SAMD8: variants seen among roughly 807,000 people sequenced by gnomAD.
SAMD8 encodes sphingomyelin synthase-related protein 1.
SAMD8 carries 20 observed loss-of-function variants against 42.0 expected under a neutral mutation model. The observed-to-expected ratio is 0.48, with a 90% confidence interval of 0.34 to 0.69. SAMD8 has a LOEUF of 0.69. SAMD8 is among the 30% of genes least tolerant of loss of function. SAMD8 has a pLI of 0.01. For synonymous variants in SAMD8, 162 were observed against 173.0 expected (o/e 0.94, Z 0.50); for missense variants, 328 against 511.6 (o/e 0.64, Z 3.46).
At chr10:75,135,737 A>T (rs1029948992) in intron 1 of SAMD8, among the ~76,000 whole-genome samples, 13 of 151,752 alleles carry the variant, frequency 8.6e-5, no homozygotes, top group Non-Finnish European at 1.6e-4. Flanking sequence ...GAGGCAGGAG[A>T]ATGGTGTGAA....
intron 1 of SAMD8, chr10:75,105,769 A>G: frequency 6.4e-7 from 1 of 1,552,034 alleles, no homozygotes; most frequent in Non-Finnish European, 8.7e-7. Context: ...CACGGTGATC[A>G]CCGCCTGGCG....
chr10:75,167,554 C>T (rs1350190535), intron 3 of SAMD8, among the ~76,000 whole-genome samples: 1 of 152,010 alleles, frequency 6.6e-6, no homozygotes, highest in Non-Finnish European at 1.5e-5. Flanking sequence ...CAAAAAATTC[C>T]CTGGAATCAC....
chr10:75,178,041 C>T lies in SAMD8; in HGVS notation c.*1349C>T, dbSNP rs1316791841. ...TTAAAACAAAAACTTAGAAAAGGTG[C>T]TGGCATTCTGAGGCCTGCAATTAGG... On this transcript the variant is annotated 3_prime_UTR_variant, in exon 6 of 6. Coordinates refer to ENST00000542569, the MANE Select transcript of SAMD8 (RefSeq NM_001174156.2). The T allele has an allele frequency of 6.6e-6, 1 of 152,168 alleles. No individual in the cohort carries two copies. The highest frequency in any genetic ancestry group is 1.5e-5 in the Non-Finnish European group (1 of 68,036). The allele number at this position is 152,168 out of a possible 1,614,324, so 9.4% of individuals were successfully genotyped here.
upstream of SAMD8, among the ~76,000 whole-genome samples, chr10:75,111,315 C>G (rs1251957120): frequency 2.0e-5 from 3 of 152,142 alleles, no homozygotes; most frequent in Non-Finnish European, 4.4e-5. Context: ...GCTCCGCTAG[C>G]CCCGCTTCCT....
chr10:75,127,337 T>C (rs1292672002), intron 1 of SAMD8, among the ~76,000 whole-genome samples: 4 of 152,182 alleles, frequency 2.6e-5, no homozygotes, highest in Non-Finnish European at 5.9e-5. Flanking sequence ...TATATTGTCA[T>C]GGGTAAGAAT....
intron 1 of SAMD8, among the ~76,000 whole-genome samples, chr10:75,148,254 C>G (rs1262974653): frequency 6.6e-6 from 1 of 151,134 alleles, no homozygotes; most frequent in African/African-American, 2.4e-5. Context: ...ATAAATGGTG[C>G]TCATGTAGTT....
chr10:75,173,315 G>A (rs1037124452), intron 4 of SAMD8, among the ~76,000 whole-genome samples: 5 of 152,144 alleles, frequency 3.3e-5, no homozygotes, highest in African/African-American at 1.2e-4. Flanking sequence ...TTAATTGCTT[G>A]AAATTGCATT....
chr10:75,143,191 C>T (rs1196571940), intron 1 of SAMD8, among the ~76,000 whole-genome samples: 1 of 152,190 alleles, frequency 6.6e-6, no homozygotes, highest in Non-Finnish European at 1.5e-5. Context: ...CCCATAATCC[C>T]AGCTACTGGG....
intron 1 of SAMD8, among the ~76,000 whole-genome samples, chr10:75,131,316 C>T (rs1447492108): frequency 6.6e-6 from 1 of 152,184 alleles, no homozygotes; most frequent in Non-Finnish European, 1.5e-5. Flanking sequence ...CCTTTGCACA[C>T]ATCTTATTTC....
upstream of SAMD8, among the ~76,000 whole-genome samples, chr10:75,110,863 T>C (rs1213104495): frequency 6.6e-6 from 1 of 152,166 alleles, no homozygotes; most frequent in Non-Finnish European, 1.5e-5. Flanking sequence ...TCGCCCAGGC[T>C]GGAGTGCCAT....
intron 2 of SAMD8, among the ~76,000 whole-genome samples, chr10:75,163,677 A>C (rs1396682723): frequency 6.6e-6 from 1 of 151,440 alleles, no homozygotes; most frequent in African/African-American, 2.4e-5. Flanking sequence ...TGAACTCCTG[A>C]GTTTAAGTAG....
chr10:75,119,894 C>T (rs12765361), intron 1 of SAMD8, among the ~76,000 whole-genome samples: 4 of 152,210 alleles, frequency 2.6e-5, no homozygotes, highest in African/African-American at 9.6e-5. Flanking sequence ...GGTGAAACCT[C>T]GTCTCTACTA....
At chr10:75,140,889 A>T (rs552769421) in intron 1 of SAMD8, among the ~76,000 whole-genome samples, 3 of 152,234 alleles carry the variant, frequency 2.0e-5, no homozygotes, top group Non-Finnish European at 2.9e-5. Flanking sequence ...CTCATTTCTC[A>T]TTTTTAGGTG....
intron 4 of SAMD8, 68 bp downstream of exon 4, chr10:75,168,726 T>C: frequency 1.1e-6 from 1 of 949,102 alleles, no homozygotes; most frequent in East Asian, 2.4e-5. Flanking sequence ...GCAATAGGGC[T>C]AAGATTTTGC....
chr10:75,152,567 A>G (rs1392354875), intron 2 of SAMD8, among the ~76,000 whole-genome samples: 1 of 151,350 alleles, frequency 6.6e-6, no homozygotes, highest in Non-Finnish European at 1.5e-5. Context: ...AGAATAGAAC[A>G]GTAGGCCAGG....
In SAMD8 at chr10:75,126,953, C is replaced by T. The variant is rs535617724; in HGVS notation, c.-16+15231C>T. Among the ~76,000 whole-genome samples, 12 of 152,038 alleles carry T rather than the reference C, an allele frequency of 7.9e-5. No individual in the cohort carries two copies. The South Asian group carries it at 2.1e-3, about 26-fold the overall frequency. On this transcript the variant is annotated intron_variant, in intron 1 of 5. Transcript: ENST00000542569. Reference sequence around the variant, plus strand: ...CTGTAATCCCAGCACTTTGGGAAGCCGAGGCGGGTAGATCACCTGAGGTCA... The same window carrying T: ...CTGTAATCCCAGCACTTTGGGAAGCTGAGGCGGGTAGATCACCTGAGGTCA...
intron 1 of SAMD8, among the ~76,000 whole-genome samples, chr10:75,148,757 T>C (rs769767862): frequency 3.3e-5 from 5 of 152,318 alleles, no homozygotes; most frequent in African/African-American, 7.2e-5. Context: ...TCAAGAATTA[T>C]TACATTGTGG....
intron 1 of SAMD8, among the ~76,000 whole-genome samples, chr10:75,136,075 T>A (rs1839879932): frequency 6.6e-6 from 1 of 152,064 alleles, no homozygotes; most frequent in Non-Finnish European, 1.5e-5. Context: ...TCTTTTCTTT[T>A]GGTTTTTTTT....
chr10:75,180,919 T>C lies in SAMD8; in HGVS notation c.*4227T>C, dbSNP rs753181922. On this transcript the variant is annotated 3_prime_UTR_variant, in exon 6 of 6. Transcript: ENST00000542569. ...ACAAAAGGCAGTTTCACCATTAATT[T>C]CATAGTAAGCTTTTTTAAAGGATTC... 5.9e-5 allele frequency: 9 copies of C among 152,234 alleles called. No individual in the cohort carries two copies. Among genetic ancestry groups the C allele is most frequent in the Non-Finnish European group, 1.2e-4 (8 of 68,052 alleles). 9.4% of individuals were successfully genotyped at this position (152,234 alleles called of 1,614,324 possible). A position where few individuals can be genotyped will look rare whatever the true frequency, so the allele number is the denominator to read the frequency against.
Sources: gnomAD v4.1 joint callset for allele counts (sites outside exome capture counted in the v4.1 genomes callset) on GRCh38, gnomAD v4.1.1 for gene constraint, MANE v1.5 for transcripts, NCBI Gene and HGNC (gene_info 2026-07-23, HGNC 2026-07-21) for gene names.